The following TTC23 variants were observed in gnomAD, a reference collection of about 807,000 sequenced individuals.
TTC23 encodes the protein tetratricopeptide repeat protein 23.
A neutral mutation model predicts 55.1 loss-of-function variants in TTC23; 58 were observed. The ratio of observed to expected loss-of-function variants is 1.05; its 90% CI spans 0.85 to 1.31. TTC23 has a LOEUF of 1.31. TTC23 is among the 50% of genes most tolerant of loss of function. TTC23 has a pLI of 0.00. For missense variants in TTC23, 516 were observed against 534.4 expected (o/e 0.97, Z 0.34); for synonymous variants, 203 against 199.9 (o/e 1.02, Z -0.13).
chr15:99,178,691 C>G (rs2151940187), intron 9 of TTC23, among the ~76,000 whole-genome samples: 1 of 152,322 alleles, frequency 6.6e-6, no homozygotes, highest in Middle Eastern at 3.4e-3. Context: ...GACTTCCTAT[C>G]TACCCTTACT....
At chr15:99,199,781 G>C in intron 9 of TTC23, 138 bp downstream of exon 9, 1 of 770,548 alleles carries the variant, frequency 1.3e-6, no homozygotes, top group Non-Finnish European at 2.0e-6. Context: ...CCTTTGTTGA[G>C]CATCTACTCT....
chr15:99,172,964 G>T (rs574559040), intron 10 of TTC23, among the ~76,000 whole-genome samples: 1 of 152,292 alleles, frequency 6.6e-6, no homozygotes, highest in Admixed American at 6.5e-5. Context: ...ACAGCTATGG[G>T]ACAATAGCAT....
At chr15:99,219,070 T>C in intron 6 of TTC23, 22 bp from the exon 7 acceptor site, 1 of 1,611,584 alleles carries the variant, frequency 6.2e-7, no homozygotes, top group Non-Finnish European at 8.5e-7. Context: ...GAAAAAGAGG[T>C]CTCAGTTTCT....
intron 12 of TTC23, among the ~76,000 whole-genome samples, chr15:99,142,137 AGGGGATGC>A (rs2068304380): frequency 2.0e-5 from 3 of 152,070 alleles, no homozygotes. Flanking sequence ...CTCTGAGGGG[AGGGGATGC>A]GGACATGTTT....
chr15:99,178,985 C>T (rs541300380), intron 9 of TTC23, among the ~76,000 whole-genome samples: 1 of 152,232 alleles, frequency 6.6e-6, no homozygotes, highest in Non-Finnish European at 1.5e-5. Flanking sequence ...GGAATGGATG[C>T]TCTGTCTCCA....
At chr15:99,214,391 C>T (rs1037944313) in intron 8 of TTC23, among the ~76,000 whole-genome samples, 9 of 151,604 alleles carry the variant, frequency 5.9e-5, no homozygotes, top group Non-Finnish European at 1.0e-4. Context: ...GCCTGTAGTC[C>T]CCACTACTCG....
At chr15:99,181,131 G>A (rs976479901) in intron 9 of TTC23, among the ~76,000 whole-genome samples, 1 of 152,248 alleles carries the variant, frequency 6.6e-6, no homozygotes, top group African/African-American at 2.4e-5. Context: ...TGGTGCGTCA[G>A]CAGCAGAACA....
intron 9 of TTC23, among the ~76,000 whole-genome samples, chr15:99,177,479 G>C (rs911691522): frequency 7.9e-5 from 12 of 152,184 alleles, no homozygotes; most frequent in Admixed American, 2.6e-4. Context: ...CACAGGGATA[G>C]AGTCAAATTA....
intron 11 of TTC23, chr15:99,158,759 G>A (rs2070954951): frequency 6.6e-6 from 1 of 152,300 alleles, no homozygotes; most frequent in South Asian, 2.1e-4. Context: ...GCCATGTGCT[G>A]TGGGAACACC....
At chr15:99,198,302 C>T (rs2075912479) in intron 9 of TTC23, among the ~76,000 whole-genome samples, 2 of 152,216 alleles carry the variant, frequency 1.3e-5, no homozygotes, top group African/African-American at 4.8e-5. Context: ...AGAAATGGCA[C>T]AAATATCTAC....
intron 8 of TTC23, among the ~76,000 whole-genome samples, chr15:99,214,507 CAAAAAAAAAAA>C (rs532096253): frequency 1.0e-5 from 1 of 99,018 alleles, no homozygotes; most frequent in African/African-American, 4.0e-5. Flanking sequence ...GACTGCATCT[CAAAAAAAAAAA>C]AAAAAAAAGA....
intron 3 of TTC23, 76 bp from the exon 4 acceptor site, chr15:99,235,156 G>A (rs2079210624): frequency 6.6e-6 from 1 of 152,144 alleles, no homozygotes; most frequent in Non-Finnish European, 1.5e-5. Context: ...GCTGAAGCAG[G>A]AGGATGGCTT....
intron 8 of TTC23, among the ~76,000 whole-genome samples, chr15:99,212,730 G>A (rs1448824317): frequency 6.6e-6 from 1 of 152,104 alleles, no homozygotes; most frequent in African/African-American, 2.4e-5. Flanking sequence ...GAGTGCAGTG[G>A]TTCATGCCTG....
At chr15:99,141,953 G>A (rs918653274) in intron 12 of TTC23, among the ~76,000 whole-genome samples, 1 of 152,100 alleles carries the variant, frequency 6.6e-6, no homozygotes, top group African/African-American at 2.4e-5. Flanking sequence ...ACAAAGGCAA[G>A]GATCCCTGTC....
chr15:99,210,361 T>C (rs2076949552), intron 8 of TTC23, among the ~76,000 whole-genome samples: 1 of 152,016 alleles, frequency 6.6e-6, no homozygotes, highest in African/African-American at 2.4e-5. Flanking sequence ...TTGAAAATAA[T>C]AATAATAAAA....
At chr15:99,234,298 T>C (rs906462684) in intron 4 of TTC23, among the ~76,000 whole-genome samples, 6 of 152,218 alleles carry the variant, frequency 3.9e-5, no homozygotes, top group Non-Finnish European at 8.8e-5. Context: ...CTTACTGGTA[T>C]AAAGAACTCT....
intron 10 of TTC23, among the ~76,000 whole-genome samples, chr15:99,171,559 C>CTTT (rs35676358): frequency 0.011 from 1,016 of 92,172 alleles, 9 homozygotes; most frequent in East Asian, 0.019. Flanking sequence ...GTCTCTCCGT[C>CTTT]TTTTTTTTTT....
At chr15:99,141,556 T>A (rs879976834) in intron 12 of TTC23, among the ~76,000 whole-genome samples, 1 of 152,198 alleles carries the variant, frequency 6.6e-6, no homozygotes, top group Non-Finnish European at 1.5e-5. Flanking sequence ...AAATGTTTCA[T>A]AATATATTTT....
chr15:99,166,749 G>C (rs1449827090), intron 10 of TTC23, among the ~76,000 whole-genome samples: 1 of 152,088 alleles, frequency 6.6e-6, no homozygotes, highest in African/African-American at 2.4e-5. Context: ...GTTCCTGGTA[G>C]GTCTCTAGTC....
Sources: allele counts gnomAD v4.1 joint callset (sites outside exome capture counted in the v4.1 genomes callset), GRCh38; gene constraint gnomAD v4.1.1; transcripts MANE v1.5; gene names NCBI Gene and HGNC (gene_info 2026-07-23, HGNC 2026-07-21).